Variants in THBS2 observed in about 807,000 individuals in gnomAD.
THBS2 encodes the protein thrombospondin-2.
A neutral mutation model predicts 135.2 loss-of-function variants in THBS2; 47 were observed. The ratio of observed to expected loss-of-function variants is 0.35; its 90% confidence interval spans 0.28 to 0.44. THBS2 has a LOEUF of 0.44. THBS2 is among the 20% of genes least tolerant of loss of function. The probability of loss-of-function intolerance (pLI) is 1.00; values close to 1 mark genes in which losing one functional copy is unlikely to be tolerated. For synonymous variants in THBS2, 639 were observed against 633.8 expected (o/e 1.01, Z -0.12); for missense variants, 1,288 against 1,603.1 (o/e 0.80, Z 3.36).
intron 19 of THBS2, 50 bp downstream of exon 19, chr6:169,222,147 C>A (rs1779449822): frequency 1.3e-6 from 2 of 1,537,468 alleles, no homozygotes; most frequent in Middle Eastern, 4.8e-4. Context: ...AAACACTCTG[C>A]AGCCACAGTG....
In THBS2 at chr6:169,252,018, T is replaced by C. The variant is rs1780772838; in HGVS notation, c.-22-1212A>G. 1 of 152,102 alleles carries C rather than the reference T, an allele frequency of 6.6e-6. No homozygotes were observed. The highest frequency in any genetic ancestry group is 2.1e-4 in the South Asian group (1 of 4,828). The allele number at this position is 152,102 out of a possible 1,614,324, so 9.4% of individuals were successfully genotyped here. A position where few individuals can be genotyped will look rare whatever the true frequency, so the allele number is the denominator to read the frequency against. On this transcript the variant is annotated intron_variant, in intron 1 of 21. Transcript: ENST00000617924. The surrounding 1 kb of genome is among the most constrained non-coding windows in gnomAD (Gnocchi z 4.3). ...TTCTCTGTCTCAGTTTCCTCATCCG[T>C]AGAATGAAACGTAGCGTCATGTAAA... is the stretch of plus-strand genomic sequence containing the variant.
intron 3 of THBS2, among the ~76,000 whole-genome samples, chr6:169,247,702 G>C (rs781302300): frequency 1.3e-5 from 2 of 151,880 alleles, no homozygotes; most frequent in Non-Finnish European, 2.9e-5. Context: ...ACATGTATAA[G>C]TGCTTACATA....
Position 169,241,615 on chromosome 6 carries a change from C to G in THBS2, c.891+147G>C, listed in dbSNP as rs544784372. ...ATATTGAGCAAGGATCCTGAGGAGCCCGGCAGACACCTCCCCTGTGAACTG... is the reference window on the plus strand; with the variant it reads ...ATATTGAGCAAGGATCCTGAGGAGCGCGGCAGACACCTCCCCTGTGAACTG... On this transcript the variant is annotated intron_variant, in intron 5 of 21. Transcript: ENST00000617924. This position sits in a 1 kb window ranked among gnomAD's most constrained non-coding sequence, Gnocchi z 5.5. 4 of 770,496 alleles carry G rather than the reference C, an allele frequency of 5.2e-6. No homozygotes were observed. In the South Asian group the frequency reaches 7.2e-5, roughly 14 times the overall value. The allele number at this position is 770,496 out of a possible 1,614,324, so 47.7% of individuals were successfully genotyped here.
chr6:169,242,741 C>T (rs374745409), intron 4 of THBS2, among the ~76,000 whole-genome samples: 500 of 62,354 alleles, frequency 8.0e-3, no homozygotes, highest in Middle Eastern at 0.02. Flanking sequence ...ACCTTCCCAC[C>T]GCTCCCACCT....
chr6:169,250,339 CT>C (rs138152256), intron 2 of THBS2, among the ~76,000 whole-genome samples: 216 of 152,244 alleles, frequency 1.4e-3, no homozygotes, highest in East Asian at 0.011. Context: ...AAAGATCAGG[CT>C]TTATCTGTGA....
intron 9 of THBS2, among the ~76,000 whole-genome samples, chr6:169,236,463 CCA>C (rs1780078330): frequency 8.9e-6 from 1 of 112,180 alleles, no homozygotes; most frequent in Non-Finnish European, 1.9e-5. Context: ...TAAACACCAT[CCA>C]CACTCACTCC....
rs1277815300 is a variant in THBS2 at position 169,225,258 on chromosome 6, T to C, written c.2660A>G (p.His887Arg). 6.2e-7 allele frequency: 1 copy of C among 1,612,478 alleles called. No individual in the cohort carries two copies. Among genetic ancestry groups the C allele is most frequent in the Admixed American group, 1.7e-5 (1 of 59,630 alleles). The change falls in exon 17 of 22, where the codon CAT (histidine) becomes CGT (arginine). Residue 887 changes from histidine to arginine, a missense_variant. His to Arg is a conservative substitution (Grantham distance 29, BLOSUM62 0). Transcript: ENST00000617924. ...GGCGTCGCCCTGGCCGTCTCTGTCA[T>C]GGTCAGCCTGGTTGGCGTTGGAGAT... ...PYISNANQADHDRDGQGDACD... is the reference protein window; with the variant it reads ...PYISNANQADRDRDGQGDACD...
At chr6:169,219,709 G>A in intron 21 of THBS2, 1 of 485,836 alleles carries the variant, frequency 2.1e-6, no homozygotes, top group South Asian at 1.5e-5. Context: ...TGCATCTGTG[G>A]AAGGGTAATG....
chr6:169,218,780 G>A (rs1162039541), intron 21 of THBS2, among the ~76,000 whole-genome samples: 3 of 132,030 alleles, frequency 2.3e-5, no homozygotes, highest in Admixed American at 1.6e-4. Flanking sequence ...TGGATGGAGG[G>A]ATGAGTGGGT....
In THBS2 at chr6:169,241,623, C is replaced by T. The variant is rs553794691; in HGVS notation, c.891+139G>A. On this transcript the variant is annotated intron_variant, in intron 5 of 21. Coordinates refer to ENST00000617924, the MANE Select transcript of THBS2 (RefSeq NM_003247.5). This position sits in a 1 kb window ranked among gnomAD's most constrained non-coding sequence, Gnocchi z 5.5. ...CAAGGATCCTGAGGAGCCCGGCAGA[C>T]ACCTCCCCTGTGAACTGTGGGTTTT... is the stretch of plus-strand genomic sequence containing the variant. 4.8e-6 allele frequency: 4 copies of T among 833,736 alleles called. No homozygotes were observed. The African/African-American group carries it at 6.8e-5, about 14-fold the overall frequency. The allele number at this position is 833,736 out of a possible 1,614,324, so 51.6% of individuals were successfully genotyped here. A position where few individuals can be genotyped will look rare whatever the true frequency, so the allele number is the denominator to read the frequency against.
At chr6:169,236,265 C>A (rs111066669) in intron 9 of THBS2, among the ~76,000 whole-genome samples, 8,230 of 114,998 alleles carry the variant, frequency 0.072, 1,307 homozygotes, top group African/African-American at 0.25. Flanking sequence ...TCACTCCCAT[C>A]TATACTCACT....
chr6:169,246,280 C>T lies in THBS2; in HGVS notation c.611G>A (p.Gly204Asp), dbSNP rs745738504. 2 of 1,613,420 alleles carry T rather than the reference C, an allele frequency of 1.2e-6. No homozygotes were observed. Among genetic ancestry groups the T allele is most frequent in the Non-Finnish European group, 1.7e-6 (2 of 1,179,624 alleles). Residue 204 changes from glycine (G) to aspartate (D), a missense_variant and splice_region_variant, in exon 4 of 22, where the codon GGT becomes GAT. Around this residue, in one of 2 missense-constraint regions of THBS2, gnomAD observed 414 missense variants for 447.0 expected, o/e 0.93. Transcript: ENST00000617924. ...CACTAGGTGGACGTTCTGAAGCAAA[C>T]CCTGTAAGTATACACAAGCAGAAAA... ...KGSARESHFR[G>D]LLQNVHLVFE...
Position 169,241,870 on chromosome 6 carries a change from C to T in THBS2, c.783G>A (p.Arg261=). 6.2e-7 allele frequency: 1 copy of T among 1,612,488 alleles called. No individual in the cohort carries two copies. ...TTEYVGPSSE[R]RPEVCERSCE... is the part of the protein sequence containing the mutation. Reference sequence around the variant, plus strand: ...ACGAGCGTTCGCACACCTCGGGCCTCCTCTCCGAGCTGGGGCCCACGTACT... The same window carrying T: ...ACGAGCGTTCGCACACCTCGGGCCTTCTCTCCGAGCTGGGGCCCACGTACT... Residue 261 remains arginine (R), a synonymous_variant, in exon 5 of 22, where the codon AGG becomes AGA. Transcript: ENST00000617924. The surrounding 1 kb of genome is among the most constrained non-coding windows in gnomAD (Gnocchi z 5.5).
chr6:169,226,132 T>G, intron 16 of THBS2, 48 bp downstream of exon 16: 1 of 1,479,742 alleles, frequency 6.8e-7, no homozygotes, highest in Non-Finnish European at 9.4e-7. Context: ...CGTCCCCGCG[T>G]CCCTCTGATG....
In THBS2 at chr6:169,231,821, A is replaced by AG. The variant is rs79138466; in HGVS notation, c.2151+158dup. 2.3e-3 allele frequency among the ~76,000 whole-genome samples: 348 copies of AG among 152,324 alleles called. 1 individual carries two copies. The highest frequency in any genetic ancestry group is 0.022 in the East Asian group (115 of 5,176). ...ACTAAGGACCTCCAGAGAGGGGACC[A>AG]GGGGGATGCATTCAACCTGGTGATC... On this transcript the variant is annotated intron_variant, in intron 13 of 21. Transcript: ENST00000617924.
intron 4 of THBS2, among the ~76,000 whole-genome samples, chr6:169,242,925 CTCCCACCT>C (rs769519611): frequency 2.0e-4 from 6 of 29,788 alleles, no homozygotes; most frequent in Admixed American, 1.7e-3. Context: ...CTTCCCACCA[CTCCCACCT>C]TCCCACCTTC....
chr6:169,247,762 GGT>G (rs1583421716), intron 3 of THBS2, among the ~76,000 whole-genome samples: 1 of 151,998 alleles, frequency 6.6e-6, no homozygotes, highest in Admixed American at 6.6e-5. Context: ...GTATGTGTGT[GGT>G]GTGTGTGCAT....
At chr6:169,220,158 C>T in intron 21 of THBS2, 40 bp downstream of exon 21, 1 of 1,598,934 alleles carries the variant, frequency 6.3e-7, no homozygotes, top group Admixed American at 1.7e-5. Flanking sequence ...TTTCTGGGTG[C>T]CACATGCCTT....
intron 4 of THBS2, among the ~76,000 whole-genome samples, chr6:169,245,014 G>T (rs1780494910): frequency 6.6e-6 from 1 of 152,234 alleles, no homozygotes; most frequent in African/African-American, 2.4e-5. Context: ...GAGTCATTGT[G>T]CACCAAAGAT....
Sources: allele counts gnomAD v4.1 joint callset (sites outside exome capture counted in the v4.1 genomes callset), GRCh38; gene constraint gnomAD v4.1.1; regional missense constraint gnomAD v4.1.1; non-coding constraint Gnocchi (gnomAD v3.1); transcripts MANE v1.5; gene names NCBI Gene and HGNC (gene_info 2026-07-23, HGNC 2026-07-21).